Variants in ABAT observed in about 807,000 individuals in gnomAD.
ABAT encodes 4-aminobutyrate aminotransferase, mitochondrial.
Under a neutral mutation model 64.6 loss-of-function variants are expected in ABAT, and 45 were observed. The observed-to-expected ratio is 0.70, with a 90% CI of 0.55 to 0.89. The LOEUF is 0.89. Among genes scored for constraint, ABAT ranks in the 40% least tolerant of loss-of-function variants. The pLI, the probability that ABAT is intolerant of heterozygous loss-of-function variation, is 0.00. For missense variants in ABAT, 633 were observed against 658.4 expected (o/e 0.96, Z 0.42); for synonymous variants, 297 against 250.5 (o/e 1.19, Z -1.75).
At chr16:8,689,101 C>A (rs914544166) in intron 1 of ABAT, among the ~76,000 whole-genome samples, 1 of 150,500 alleles carries the variant, frequency 6.6e-6, no homozygotes, top group African/African-American at 2.4e-5. Flanking sequence ...AAAAAAAGTT[C>A]AACGTCATTT....
chr16:8,695,801 T>G (rs1024124263), intron 1 of ABAT, among the ~76,000 whole-genome samples: 1 of 152,208 alleles, frequency 6.6e-6, no homozygotes, highest in African/African-American at 2.4e-5. Context: ...CAGTGGAAAC[T>G]GAACAGAGTG....
At chr16:8,745,870 G>T (rs367582377) in intron 2 of ABAT, 131 bp from the exon 3 acceptor site, 1 of 804,566 alleles carries the variant, frequency 1.2e-6, no homozygotes. Flanking sequence ...ACAGTGTTCT[G>T]GGGTGGTCTG....
At chr16:8,748,161 C>A in intron 4 of ABAT, 24 bp downstream of exon 4, 1 of 1,607,824 alleles carries the variant, frequency 6.2e-7, no homozygotes, top group Non-Finnish European at 8.5e-7. Context: ...AGGTAACTTT[C>A]CTTCTGTTGC....
intron 1 of ABAT, among the ~76,000 whole-genome samples, chr16:8,726,664 T>C (rs1319240678): frequency 1.3e-5 from 2 of 152,234 alleles, no homozygotes; most frequent in East Asian, 1.9e-4. Flanking sequence ...GGAGTGCAGA[T>C]ATCTCTTCGA....
chr16:8,731,247 G>C (rs1394600670), intron 1 of ABAT, among the ~76,000 whole-genome samples: 1 of 152,186 alleles, frequency 6.6e-6, no homozygotes, highest in Non-Finnish European at 1.5e-5. Context: ...ACAGGAGTGA[G>C]CCACCCTGCC....
chr16:8,706,163 C>T (rs1189391738), intron 1 of ABAT, among the ~76,000 whole-genome samples: 1 of 151,582 alleles, frequency 6.6e-6, no homozygotes, highest in East Asian at 1.9e-4. Flanking sequence ...ATCCCAACAC[C>T]CTGAGAGGCT....
intron 1 of ABAT, among the ~76,000 whole-genome samples, chr16:8,711,579 T>A (rs34611261): frequency 0.43 from 66,033 of 152,074 alleles, 16,683 homozygotes; most frequent in East Asian, 0.74. Context: ...TTGCACTTGA[T>A]ATGCAGGACA....
chr16:8,766,042 T>C (rs1201280262), intron 8 of ABAT, 166 bp from the exon 9 acceptor site: 3 of 665,532 alleles, frequency 4.5e-6, no homozygotes, highest in African/African-American at 3.6e-5. Context: ...GCGAGCACAG[T>C]TGGTAGCCTC....
chr16:8,736,291 A>G (rs1445507810), intron 2 of ABAT: 3 of 197,796 alleles, frequency 1.5e-5, no homozygotes, highest in Non-Finnish European at 3.2e-5. Context: ...ATGAGGACAC[A>G]GCCAAACCAC....
At chr16:8,741,253 A>T (rs1173502150) in intron 2 of ABAT, among the ~76,000 whole-genome samples, 1 of 152,206 alleles carries the variant, frequency 6.6e-6, no homozygotes, top group East Asian at 1.9e-4. Flanking sequence ...GGTTTTTTGC[A>T]TCTTTGTGAT....
Position 8,701,746 on chromosome 16 carries a change from G to C in ABAT, c.-42+27035G>C, listed in dbSNP as rs150783561. ...CAGGAAGAGGTGAGGGAAGGGGAGA[G>C]GGAGGGCAGGGGTGCAACTGAAAAT... On this transcript the variant is annotated intron_variant, in intron 1 of 15. Coordinates refer to ENST00000268251, the MANE Select transcript of ABAT (RefSeq NM_020686.6). 5.7e-3 allele frequency among the ~76,000 whole-genome samples: 871 copies of C among 152,344 alleles called. 10 individuals are homozygous for C. The highest frequency in any genetic ancestry group is 9.6e-3 in the Non-Finnish European group (653 of 68,030).
chr16:8,767,068 A>G (rs1218447617), intron 9 of ABAT, among the ~76,000 whole-genome samples: 1 of 152,194 alleles, frequency 6.6e-6, no homozygotes, highest in Admixed American at 6.5e-5. Flanking sequence ...TTGGTGCTCA[A>G]CCAGCCTGAG....
At chr16:8,723,165 A>G (rs541266808) in intron 1 of ABAT, among the ~76,000 whole-genome samples, 15 of 152,270 alleles carry the variant, frequency 9.9e-5, no homozygotes, top group African/African-American at 1.7e-4. Flanking sequence ...TCCGGGAGGC[A>G]GAGGTTACAG....
chr16:8,770,987 C>T (rs985038016), intron 11 of ABAT, among the ~76,000 whole-genome samples: 2 of 152,096 alleles, frequency 1.3e-5, no homozygotes, highest in African/African-American at 2.4e-5. Flanking sequence ...TTTACACTTA[C>T]AGCACAATGC....
intron 1 of ABAT, among the ~76,000 whole-genome samples, chr16:8,726,967 T>C (rs1355646869): frequency 6.6e-6 from 1 of 152,246 alleles, no homozygotes; most frequent in African/African-American, 2.4e-5. Context: ...TTTCATGTGC[T>C]TGCTTGCCAT....
chr16:8,721,223 A>C (rs1352769140), intron 1 of ABAT, among the ~76,000 whole-genome samples: 1 of 152,124 alleles, frequency 6.6e-6, no homozygotes, highest in African/African-American at 2.4e-5. Flanking sequence ...TGCAGGGAAG[A>C]AGCAGTTTCA....
At chr16:8,767,130 A>T (rs1377408890) in intron 9 of ABAT, among the ~76,000 whole-genome samples, 2 of 152,160 alleles carry the variant, frequency 1.3e-5, no homozygotes, top group Non-Finnish European at 2.9e-5. Context: ...CCTCTGAGGC[A>T]CCTCCAGCAG....
At chr16:8,701,662 G>A (rs529941820) in intron 1 of ABAT, among the ~76,000 whole-genome samples, 1 of 152,354 alleles carries the variant, frequency 6.6e-6, no homozygotes, top group African/African-American at 2.4e-5. Context: ...TAATGAGGGA[G>A]CTTGCATTGT....
rs1294236988 is a variant in ABAT at position 8,737,949 on chromosome 16, AAAGGAAGGAAGGAAGGAAGG to A, written c.70+2162_70+2181del. The stretch of plus-strand genomic sequence containing the variant: ...AAAAAAAAAAAGAAAGGAAAGGAAG[AAAGGAAGGAAGGAAGGAAGG>A]AAGGAAGGAAGGAAGGAAGGAGGAA... On this transcript the variant is annotated intron_variant, in intron 2 of 15. Coordinates refer to ENST00000268251, the MANE Select transcript of ABAT (RefSeq NM_020686.6). Among the ~76,000 whole-genome samples the A allele has an allele frequency of 8.4e-5, 2 of 23,696 alleles. 1 individual carries two copies. The highest frequency in any genetic ancestry group is 3.0e-4 in the African/African-American group (2 of 6,766). The allele number at this position is 23,696 out of a possible 152,430, so 15.5% of individuals were successfully genotyped here.
Sources: gnomAD v4.1 joint callset for allele counts (sites outside exome capture counted in the v4.1 genomes callset) on GRCh38, gnomAD v4.1.1 for gene constraint, MANE v1.5 for transcripts, NCBI Gene and HGNC (gene_info 2026-07-23, HGNC 2026-07-21) for gene names.